The following SPICE1 variants were observed in gnomAD, a reference collection of about 807,000 sequenced individuals.
The protein encoded by SPICE1 is spindle and centriole associated protein 1, also known as spindle and centriole-associated protein 1.
SPICE1 carries 75 observed loss-of-function variants against 102.7 expected under a neutral mutation model. The ratio of observed to expected loss-of-function variants is 0.73; its 90% CI spans 0.61 to 0.88. The LOEUF is 0.88. Among genes scored for constraint, SPICE1 ranks in the 40% least tolerant of loss-of-function variants. The pLI, the probability that SPICE1 is intolerant of heterozygous loss-of-function variation, is 0.00. For synonymous variants in SPICE1, 308 were observed against 350.3 expected (o/e 0.88, Z 1.35); for missense variants, 979 against 1,020.1 (o/e 0.96, Z 0.55).
intron 5 of SPICE1, among the ~76,000 whole-genome samples, chr3:113,493,787 T>C (rs1936815387): frequency 6.6e-6 from 1 of 152,206 alleles, no homozygotes; most frequent in Non-Finnish European, 1.5e-5. Flanking sequence ...AATTACAAAA[T>C]CCTGTACTTT....
rs371791286 is a variant in SPICE1, at chr3:113,468,224, T to C, written c.1070A>G (p.Lys357Arg). ...EYERWTGREV[K>R]GLQSSQGLTG... is the part of the protein sequence containing the mutation. ...AAGACCCTGACTGCTCTGCAGACCC[T>C]TGACCTCGCGACCTGTCCACCGCTC... The change falls in exon 10 of 18, where the codon AAG (lysine) becomes AGG (arginine). Residue 357 changes from lysine to arginine, a missense_variant. By Grantham distance (26) the Lys-to-Arg change is conservative. Coordinates refer to ENST00000295872, the MANE Select transcript of SPICE1 (RefSeq NM_144718.4). 2 of 1,614,048 alleles carry C rather than the reference T, an allele frequency of 1.2e-6. No individual in the cohort carries two copies. Among genetic ancestry groups the C allele is most frequent in the African/African-American group, 2.7e-5 (2 of 74,938 alleles).
Position 113,468,836 on chromosome 3 carries a change from G to A in SPICE1, c.815C>T (p.Thr272Ile). Residue 272 changes from threonine (T) to isoleucine (I), a missense_variant, in exon 9 of 18, where the codon ACT becomes ATT. Transcript: ENST00000295872. Reference sequence around the variant, plus strand: ...AACGTAGCTTGAGTCTAGAGTCTCAGTAGATTCTTCAGGCTGAAGCCTGGT... The same window carrying A: ...AACGTAGCTTGAGTCTAGAGTCTCAATAGATTCTTCAGGCTGAAGCCTGGT... ...LQTRLQPEES[T>I]ETLDSSYVVG... 1 of 1,614,150 alleles carries A rather than the reference G, an allele frequency of 6.2e-7. No individual in the cohort carries two copies. The highest frequency in any genetic ancestry group is 8.5e-7 in the Non-Finnish European group (1 of 1,180,000).
chr3:113,509,053 T>C (rs1012383286), intron 1 of SPICE1, among the ~76,000 whole-genome samples: 1 of 152,106 alleles, frequency 6.6e-6, no homozygotes, highest in African/African-American at 2.4e-5. Context: ...CACAGAGACA[T>C]AGATTAGTGA....
At chr3:113,467,385 T>A (rs1936085076) in intron 10 of SPICE1, among the ~76,000 whole-genome samples, 1 of 152,138 alleles carries the variant, frequency 6.6e-6, no homozygotes, top group South Asian at 2.1e-4. Flanking sequence ...TCCAACTCCC[T>A]GGTGAAAGTA....
intron 2 of SPICE1, among the ~76,000 whole-genome samples, chr3:113,504,079 T>G (rs893114154): frequency 3.3e-5 from 5 of 152,156 alleles, no homozygotes; most frequent in African/African-American, 1.2e-4. Flanking sequence ...AACAGTCAGT[T>G]AAATTAAAAG....
At chr3:113,498,386 C>T (rs1209684064) in intron 4 of SPICE1, among the ~76,000 whole-genome samples, 1 of 152,166 alleles carries the variant, frequency 6.6e-6, no homozygotes, top group Non-Finnish European at 1.5e-5. Context: ...GCAGGAACCA[C>T]TAGAGAAAGG....
At chr3:113,485,176 GTTT>G (rs1422898555) in intron 7 of SPICE1, among the ~76,000 whole-genome samples, 2 of 139,524 alleles carry the variant, frequency 1.4e-5, no homozygotes, top group African/African-American at 2.6e-5. Context: ...AGTTTTGTTT[GTTT>G]TTTTTTTTTT....
intron 15 of SPICE1, among the ~76,000 whole-genome samples, 183 bp from the exon 16 acceptor site, chr3:113,448,323 C>T (rs962724834): frequency 6.7e-6 from 1 of 149,920 alleles, no homozygotes; most frequent in African/African-American, 2.5e-5. Flanking sequence ...GGATAAGAAA[C>T]TTTAGTTACT....
At chr3:113,510,297 A>G (rs1937193449) in intron 1 of SPICE1, among the ~76,000 whole-genome samples, 1 of 152,248 alleles carries the variant, frequency 6.6e-6, no homozygotes, top group African/African-American at 2.4e-5. Flanking sequence ...GAACCAAAAA[A>G]GAGCCCATAT....
At position 113,493,688 on chromosome 3, in the gene SPICE1, G is replaced by A. The variant is rs114077406; in HGVS notation, c.385+361C>T. ...ACACACACATTAAAATAAATAATGCGTGTATCTGACAAGAGGCAAAGTTCC... is the reference window on the plus strand; with the variant it reads ...ACACACACATTAAAATAAATAATGCATGTATCTGACAAGAGGCAAAGTTCC... On this transcript the variant is annotated intron_variant, in intron 5 of 17. Transcript: ENST00000295872. Among the ~76,000 whole-genome samples the A allele has an allele frequency of 8.0e-3, 1,217 of 152,254 alleles. 4 individuals carry two copies. The highest frequency in any genetic ancestry group is 8.9e-3 in the Non-Finnish European group (604 of 68,014).
intron 7 of SPICE1, among the ~76,000 whole-genome samples, chr3:113,472,018 G>C (rs891351181): frequency 6.6e-6 from 1 of 152,232 alleles, no homozygotes; most frequent in South Asian, 2.1e-4. Flanking sequence ...CGAGGGGTCA[G>C]GGAGTTCCCT....
rs1935430585 is a variant in SPICE1 at position 113,443,289 on chromosome 3, T to C, written c.*2018A>G. The stretch of plus-strand genomic sequence containing the variant: ...AAGTACACAGCTCAAGTGGCAGAAA[T>C]GGCATTTGAGGCAAGATTTCTGGTT... On this transcript the variant is annotated 3_prime_UTR_variant, in exon 18 of 18. Transcript: ENST00000295872. The C allele has an allele frequency of 6.6e-6, 1 of 152,202 alleles. No homozygotes were observed. The highest frequency in any genetic ancestry group is 2.4e-5 in the African/African-American group (1 of 41,456). The allele number at this position is 152,202 out of a possible 1,614,324, so 9.4% of individuals were successfully genotyped here.
chr3:113,479,225 G>C (rs998581024), intron 7 of SPICE1, among the ~76,000 whole-genome samples: 2 of 148,962 alleles, frequency 1.3e-5, no homozygotes, highest in African/African-American at 5.0e-5. Flanking sequence ...AACATGTGGT[G>C]TTTGGTTTTT....
chr3:113,464,432 T>C (rs554055908), intron 11 of SPICE1, among the ~76,000 whole-genome samples: 4 of 152,116 alleles, frequency 2.6e-5, no homozygotes, highest in Non-Finnish European at 4.4e-5. Context: ...AATATTTTTA[T>C]TTTTTGTAGA....
chr3:113,476,586 G>T (rs1416737606), intron 7 of SPICE1, among the ~76,000 whole-genome samples: 1 of 143,948 alleles, frequency 6.9e-6, no homozygotes, highest in African/African-American at 2.7e-5. Flanking sequence ...CCAAAACAGA[G>T]ATATAGATCA....
chr3:113,480,575 T>C (rs1284613768), intron 7 of SPICE1, among the ~76,000 whole-genome samples: 1 of 152,164 alleles, frequency 6.6e-6, no homozygotes, highest in Non-Finnish European at 1.5e-5. Flanking sequence ...CATAACATAA[T>C]GTACCATATT....
Position 113,442,788 on chromosome 3 carries a change from C to T in SPICE1, c.*2519G>A, listed in dbSNP as rs114040402. On this transcript the variant is annotated 3_prime_UTR_variant, in exon 18 of 18. Transcript: ENST00000295872. ...AAATACCATGCATTTATTTGCAATA[C>T]TGAAATGTCCTCTTTAATCAAGATT... is the stretch of plus-strand genomic sequence containing the variant. 692 of 152,174 alleles carry T rather than the reference C, an allele frequency of 4.5e-3. 7 individuals are homozygous for T. The highest frequency in any genetic ancestry group is 0.016 in the African/African-American group (664 of 41,508). 9.4% of individuals were successfully genotyped at this position (152,174 alleles called of 1,614,324 possible).
intron 2 of SPICE1, among the ~76,000 whole-genome samples, chr3:113,505,708 C>G (rs1193738031): frequency 6.6e-6 from 1 of 152,140 alleles, no homozygotes; most frequent in East Asian, 1.9e-4. Context: ...TAAGACCAAC[C>G]TGGGCAACAC....
chr3:113,447,399 T>G (rs1204583602), intron 16 of SPICE1, among the ~76,000 whole-genome samples: 2 of 152,224 alleles, frequency 1.3e-5, no homozygotes, highest in Non-Finnish European at 2.9e-5. Flanking sequence ...TATAATTGAC[T>G]GAAGTTCATA....
Sources: gnomAD v4.1 joint callset for allele counts (sites outside exome capture counted in the v4.1 genomes callset) on GRCh38, gnomAD v4.1.1 for gene constraint, MANE v1.5 for transcripts, NCBI Gene and HGNC (gene_info 2026-07-23, HGNC 2026-07-21) for gene names.